DMD: variants seen among roughly 807,000 people sequenced by gnomAD.
DMD encodes the protein dystrophin.
A neutral mutation model predicts 330.1 loss-of-function variants in DMD; 63 were observed. The observed-to-expected ratio is 0.19, with a 90% CI of 0.16 to 0.24. The LOEUF (loss-of-function observed/expected upper bound fraction) is 0.24. Among genes scored for constraint, DMD ranks in the 10% least tolerant of loss-of-function variants. The pLI, the probability that DMD is intolerant of heterozygous loss-of-function variation, is 1.00. For synonymous variants in DMD, 1,223 were observed against 959.8 expected (o/e 1.27, Z -5.07); for missense variants, 3,344 against 2,684.1 (o/e 1.25, Z -5.43).
intron 7 of DMD, among the ~76,000 whole-genome samples, chrX:32,782,991 G>GTT (rs2074946270): frequency 9.8e-6 from 1 of 102,548 alleles, no homozygotes; most frequent in African/African-American, 3.5e-5. Context: ...TATATGGTGT[G>GTT]TGTATATATA....
At chrX:32,319,559 A>G (rs1255990516) in intron 41 of DMD, among the ~76,000 whole-genome samples, 1 of 111,893 alleles carries the variant, frequency 8.9e-6, no homozygotes, top group African/African-American at 3.2e-5. Flanking sequence ...TTCATTTTAT[A>G]ATGCAATCTT....
chrX:32,381,978 G>T (rs1242208192), intron 33 of DMD, among the ~76,000 whole-genome samples: 1 of 110,615 alleles, frequency 9.0e-6, no homozygotes, highest in African/African-American at 3.3e-5. Context: ...TGTCAAATGG[G>T]ATTACTATAC....
chrX:31,169,252 A>G (rs1306455658), intron 74 of DMD, among the ~76,000 whole-genome samples, 191 bp downstream of exon 74: 1 of 109,993 alleles, frequency 9.1e-6, no homozygotes, highest in East Asian at 2.8e-4. Context: ...TCATCATACT[A>G]TTGCATCCAT....
At chrX:32,336,215 TATATGTTAGCC>T (rs1283638986) in intron 41 of DMD, among the ~76,000 whole-genome samples, 17 of 110,650 alleles carry the variant, frequency 1.5e-4, no homozygotes, top group African/African-American at 5.6e-4. Context: ...TGACATGTTA[TATATGTTAGCC>T]AGGCTGATCT....
rs1214427687 is a variant in DMD at position 31,331,435 on chromosome X, G to GA, written c.9164-7778dup. 3.3e-3 allele frequency among the ~76,000 whole-genome samples: 317 copies of GA among 96,253 alleles called. 1 individual carries two copies. Among genetic ancestry groups the GA allele is most frequent in the African/African-American group, 0.01 (276 of 26,456 alleles). The allele number at this position is 96,253 out of a possible 115,157, so 83.6% of individuals were successfully genotyped here. ...GCCAAAGTTGGGCGGCATTACTCAT[G>GA]AAAAAAAAAAAGAAAAAAAAGCTGC... On this transcript the variant is annotated intron_variant, in intron 61 of 78. Coordinates refer to ENST00000357033, the MANE Select transcript of DMD (RefSeq NM_004006.3).
chrX:32,723,875 TA>T (rs375598552), intron 7 of DMD, among the ~76,000 whole-genome samples: 70 of 101,694 alleles, frequency 6.9e-4, no homozygotes, highest in Admixed American at 3.7e-3. Flanking sequence ...GCTAATCAAC[TA>T]AAAAAAAAAA....
intron 52 of DMD, among the ~76,000 whole-genome samples, chrX:31,722,745 T>C (rs17340901): frequency 0.44 from 47,953 of 109,629 alleles, 8,693 homozygotes; most frequent in African/African-American, 0.66. Flanking sequence ...CAGTGTAGCA[T>C]CTATAAATTC....
intron 60 of DMD, among the ~76,000 whole-genome samples, chrX:31,437,846 A>C (rs766968654): frequency 3.7e-5 from 4 of 107,317 alleles, no homozygotes; most frequent in Admixed American, 1.0e-4. Flanking sequence ...CATATTACAT[A>C]TATATCATAT....
At chrX:31,506,836 T>C (rs1286462449) in intron 56 of DMD, among the ~76,000 whole-genome samples, 1 of 112,404 alleles carries the variant, frequency 8.9e-6, no homozygotes, top group Non-Finnish European at 1.9e-5. Context: ...TATAATGTGT[T>C]ACAGGTTTTA....
At chrX:32,452,485 GGAAA>G (rs1569563195) in intron 26 of DMD, among the ~76,000 whole-genome samples, 2 of 17,583 alleles carry the variant, frequency 1.1e-4, no homozygotes, top group African/African-American at 1.3e-4. Context: ...GGAAAGGAAA[GGAAA>G]GGAAAGGAAA....
chrX:31,204,052 T>C lies in DMD; in HGVS notation c.9716A>G (p.His3239Arg), dbSNP rs765865134. The C allele has an allele frequency of 8.3e-6, 10 of 1,209,617 alleles. No individual in the cohort carries two copies. In the Admixed American group the frequency reaches 1.1e-4, roughly 13 times the overall value. ...CDQRRLGLLLHDSIQIPRQLG... is the reference protein window; with the variant it reads ...CDQRRLGLLLRDSIQIPRQLG... ...CTGTCTTGGAATTTGGATAGAATCATGCAGAAGGAGGCCCAGCCTGCGCTG... is the reference window on the plus strand; with the variant it reads ...CTGTCTTGGAATTTGGATAGAATCACGCAGAAGGAGGCCCAGCCTGCGCTG... Residue 3239 changes from histidine (H) to arginine (R), a missense_variant, in exon 67 of 79, where the codon CAT becomes CGT. Transcript: ENST00000357033.
chrX:32,312,636 G>A (rs1244625262), intron 41 of DMD, among the ~76,000 whole-genome samples: 1 of 109,590 alleles, frequency 9.1e-6, no homozygotes, highest in African/African-American at 3.3e-5. Flanking sequence ...GAATCCAGGA[G>A]CTGGTCTTTT....
chrX:31,774,218 AAG>A (rs1457955261), intron 50 of DMD, 26 bp from the exon 51 acceptor site: 1 of 1,104,531 alleles, frequency 9.1e-7, no homozygotes, highest in Admixed American at 2.2e-5. Context: ...TTTTTGCAAA[AAG>A]GAAAAAAGAA....
chrX:31,649,799 C>T (rs1211568153), intron 54 of DMD, among the ~76,000 whole-genome samples: 2 of 110,810 alleles, frequency 1.8e-5, no homozygotes, highest in Non-Finnish European at 3.8e-5. Context: ...CTAAGTGTAC[C>T]TAAAGGAGTT....
chrX:33,311,949 A>T lies in DMD; in HGVS notation c.7+27310T>A, dbSNP rs67974280. Among the ~76,000 whole-genome samples, 3 of 110,325 alleles carry T rather than the reference A, an allele frequency of 2.7e-5. No individual in the cohort carries two copies. The South Asian group carries it at 1.2e-3, about 43-fold the overall frequency. Reference sequence around the variant, plus strand: ...GTGAAGGGAAATAGTAAAGAGAAAGACTATTTAAGATGAAAAATGTTAATA... The same window carrying T: ...GTGAAGGGAAATAGTAAAGAGAAAGTCTATTTAAGATGAAAAATGTTAATA... On this transcript the variant is annotated intron_variant, in intron 1 of 17. Coordinates refer to the DMD transcript ENST00000288447.
intron 1 of DMD, among the ~76,000 whole-genome samples, chrX:33,110,989 C>G (rs183597831): frequency 0.029 from 3,219 of 110,449 alleles, 128 homozygotes; most frequent in African/African-American, 0.1. Flanking sequence ...GGGTATGATA[C>G]GTGGCACTGT....
intron 60 of DMD, among the ~76,000 whole-genome samples, chrX:31,422,551 C>T (rs996135657): frequency 4.5e-5 from 5 of 111,699 alleles, no homozygotes; most frequent in Admixed American, 9.5e-5. Context: ...TAAATGTTGA[C>T]GGGCAATGGT....
At chrX:31,325,061 C>T (rs1256207754) in intron 61 of DMD, among the ~76,000 whole-genome samples, 5 of 111,828 alleles carry the variant, frequency 4.5e-5, no homozygotes, top group African/African-American at 9.7e-5. Flanking sequence ...TTTTGGCAGA[C>T]GGAAATTTTT....
At chrX:32,999,819 GA>G (rs890644103) in intron 2 of DMD, among the ~76,000 whole-genome samples, 3 of 108,689 alleles carry the variant, frequency 2.8e-5, no homozygotes, top group Non-Finnish European at 5.8e-5. Flanking sequence ...AAAAAAAACC[GA>G]AAAAACAAGA....
Sources: allele counts gnomAD v4.1 joint callset (sites outside exome capture counted in the v4.1 genomes callset), GRCh38; gene constraint gnomAD v4.1.1; transcripts MANE v1.5; gene names NCBI Gene and HGNC (gene_info 2026-07-23, HGNC 2026-07-21).